PLA2G4D: variants seen among roughly 807,000 people sequenced by gnomAD.
PLA2G4D encodes the protein phospholipase A2 group IVD.
Under a neutral mutation model 94.4 loss-of-function variants are expected in PLA2G4D, and 80 were observed. That is an observed-to-expected ratio of 0.85 (90% CI 0.71 to 1.02). The LOEUF (loss-of-function observed/expected upper bound fraction) is 1.02, where lower values mean the gene tolerates loss of function less well. Ranked by LOEUF, PLA2G4D falls within the 50% of genes least tolerant of loss-of-function variation. The pLI is 0.00. For synonymous variants in PLA2G4D, 438 were observed against 440.9 expected, an observed-to-expected ratio of 0.99 and a Z score of 0.08; for missense variants, 1,050 against 1,034.7, an observed-to-expected ratio of 1.01 and a Z score of -0.20.
intron 8 of PLA2G4D, among the ~76,000 whole-genome samples, chr15:42,082,869 G>C (rs1404544766): frequency 6.6e-6 from 1 of 152,174 alleles, no homozygotes; most frequent in Non-Finnish European, 1.5e-5. Flanking sequence ...CATCGTGCAT[G>C]GGGGGAGTGT....
chr15:42,081,610 C>CAA lies in PLA2G4D; in HGVS notation c.825_826insTT (p.Glu276LeufsTer20), dbSNP rs752469953. On this transcript the variant is annotated frameshift_variant, in exon 11 of 20. Transcript: ENST00000290472. LOFTEE classifies it high-confidence loss of function. ...AAGCCCAGGTGCACGGCCAGCTCCT[C>CAA]AGGGCTGTGGCAATGGAGGATCCAG... The CAA allele has an allele frequency of 6.2e-7, 1 of 1,614,066 alleles. No individual in the cohort carries two copies. The highest frequency in any genetic ancestry group is 8.5e-7 in the Non-Finnish European group (1 of 1,179,944).
chr15:42,070,304 T>G, intron 18 of PLA2G4D: 4 of 551,214 alleles, frequency 7.3e-6, no homozygotes, highest in Non-Finnish European at 1.2e-5. Flanking sequence ...TTAAAAGCTC[T>G]AGGTGGGGTC....
In PLA2G4D at chr15:42,081,479, C is replaced by G. The variant is rs184980702; in HGVS notation, c.957G>C (p.Glu319Asp). The change falls in exon 11 of 20, where the codon GAG becomes GAC. Residue 319 changes from glutamate (E) to aspartate (D), a missense_variant and splice_region_variant. Transcript: ENST00000290472. ...LQLDRDLQEDEVPVVGIMATG... is the reference protein window; with the variant it reads ...LQLDRDLQEDDVPVVGIMATG... ...CACACATCCCTCTGCACCCCCAGAC[C>G]TCATCCTCCTGCAGGTCTCTGTCCA... 1 of 1,613,452 alleles carries G rather than the reference C, an allele frequency of 6.2e-7. No individual in the cohort carries two copies. Among genetic ancestry groups the G allele is most frequent in the African/African-American group, 1.3e-5 (1 of 74,924 alleles).
chr15:42,089,657 A>G (rs1257721344), intron 1 of PLA2G4D, among the ~76,000 whole-genome samples: 1 of 152,068 alleles, frequency 6.6e-6, no homozygotes, highest in African/African-American at 2.4e-5. Context: ...GGCCACAGGG[A>G]GGTGATGGCT....
intron 11 of PLA2G4D, 118 bp from the exon 12 acceptor site, chr15:42,081,251 A>T (rs1890031688): frequency 6.7e-7 from 1 of 1,489,996 alleles, no homozygotes; most frequent in Non-Finnish European, 9.0e-7. Context: ...TTGGGTCCTG[A>T]TAGAGTCAGG....
At chr15:42,087,499 C>T in intron 2 of PLA2G4D, 63 bp from the exon 3 acceptor site, 1 of 1,609,812 alleles carries the variant, frequency 6.2e-7, no homozygotes, top group Non-Finnish European at 8.5e-7. Flanking sequence ...ATGAGCCATG[C>T]CAGTTTCCTA....
intron 1 of PLA2G4D, among the ~76,000 whole-genome samples, chr15:42,093,765 G>A (rs1480011857): frequency 1.3e-5 from 2 of 152,220 alleles, no homozygotes; most frequent in Non-Finnish European, 2.9e-5. Context: ...ATGAGGCAAA[G>A]GACCTCAGGA....
In PLA2G4D at chr15:42,072,333, C is replaced by A; in HGVS notation, c.1377G>T (p.Leu459=). Residue 459 remains leucine, a synonymous_variant, in exon 14 of 20, where the codon CTG becomes CTT. Coordinates refer to ENST00000290472, the MANE Select transcript of PLA2G4D (RefSeq NM_178034.4). ...RAALERGQNP[L]PLYLSLNVKE... Reference sequence around the variant, plus strand: ...TGACATTGAGGCTCAAGTAGAGGGGCAGAGGGTTCTGACCCCGTTCCAGGG... The same window carrying A: ...TGACATTGAGGCTCAAGTAGAGGGGAAGAGGGTTCTGACCCCGTTCCAGGG... The A allele has an allele frequency of 1.2e-6, 2 of 1,613,808 alleles. No homozygotes were observed. Among genetic ancestry groups the A allele is most frequent in the Non-Finnish European group, 1.7e-6 (2 of 1,179,990 alleles).
chr15:42,088,708 A>C (rs1890198173), intron 1 of PLA2G4D, among the ~76,000 whole-genome samples: 4 of 152,216 alleles, frequency 2.6e-5, no homozygotes, highest in Non-Finnish European at 4.4e-5. Context: ...CTTGGAAGGG[A>C]GCCTTCCCAG....
chr15:42,079,429 C>T, intron 13 of PLA2G4D, 108 bp downstream of exon 13: 1 of 1,089,488 alleles, frequency 9.2e-7, no homozygotes, highest in East Asian at 2.8e-5. Context: ...AAAACACTGG[C>T]TCTTCCACGC....
intron 12 of PLA2G4D, 93 bp from the exon 13 acceptor site, chr15:42,079,852 G>T (rs1181453839): frequency 7.9e-7 from 1 of 1,259,848 alleles, no homozygotes; most frequent in East Asian, 2.6e-5. Context: ...CTCCTGACAC[G>T]TGGCTCCTGC....
Position 42,085,372 on chromosome 15 carries a change from G to A in PLA2G4D, c.428+119C>T, listed in dbSNP as rs556376280. 4.3e-4 allele frequency: 528 copies of A among 1,238,468 alleles called. 1 individual carries two copies. The highest frequency in any genetic ancestry group is 5.7e-4 in the Non-Finnish European group (480 of 840,996). 76.7% of individuals were successfully genotyped at this position (1,238,468 alleles called of 1,614,324 possible). ...GCCCCGCCCCACTCCCGACCTCTCT[G>A]GCAGGGGTAGGAGATGAGGGACAGT... On this transcript the variant is annotated intron_variant, in intron 5 of 19. Coordinates refer to ENST00000290472, the MANE Select transcript of PLA2G4D (RefSeq NM_178034.4).
rs545713348 is a variant in PLA2G4D at position 42,079,018 on chromosome 15, T to G, written c.1317+519A>C. On this transcript the variant is annotated intron_variant, in intron 13 of 19. Coordinates refer to ENST00000290472, the MANE Select transcript of PLA2G4D (RefSeq NM_178034.4). ...CTGACATTTAATGCTTATTCTATGG[T>G]GAGGTATCACTGAGTATTCAGAACA... Among the ~76,000 whole-genome samples the G allele has an allele frequency of 8.5e-5, 13 of 152,326 alleles. No individual in the cohort carries two copies. In the East Asian group the frequency reaches 2.5e-3, roughly 29 times the overall value.
Position 42,070,062 on chromosome 15 carries a change from G to C in PLA2G4D, c.2077C>G (p.Arg693Gly), listed in dbSNP as rs368349245. Residue 693 changes from arginine (R) to glycine (G), a missense_variant, in exon 19 of 20, where the codon CGG (arginine) becomes GGG (glycine). Physicochemically the swap from Arg to Gly is moderately radical, Grantham distance 125. Transcript: ENST00000290472. ...TCCACCCGGGGGAAGGGCAGCCCCC[G>C]GGCCCGGCAGTACAGCTCCGTCTGC... ...LQQTELYCRA[R>G]GLPFPRVEPS... 208 of 1,522,410 alleles carry C rather than the reference G, an allele frequency of 1.4e-4. No individual in the cohort carries two copies. The highest frequency in any genetic ancestry group is 2.1e-4 in the Admixed American group (10 of 47,138). The allele number at this position is 1,522,410 out of a possible 1,614,324, so 94.3% of individuals were successfully genotyped here.
chr15:42,071,991 C>T, intron 14 of PLA2G4D, 80 bp from the exon 15 acceptor site: 1 of 1,529,748 alleles, frequency 6.5e-7, no homozygotes, highest in Non-Finnish European at 8.9e-7. Context: ...AGACACTGCC[C>T]CTGCCCCCAG....
chr15:42,073,750 C>T (rs1889870335), intron 13 of PLA2G4D, among the ~76,000 whole-genome samples: 2 of 152,202 alleles, frequency 1.3e-5, no homozygotes, highest in African/African-American at 4.8e-5. Flanking sequence ...TTTAAAAACC[C>T]TCAGATGATC....
intron 12 of PLA2G4D, among the ~76,000 whole-genome samples, chr15:42,080,386 C>T: frequency 6.6e-6 from 1 of 152,162 alleles, no homozygotes; most frequent in African/African-American, 2.4e-5. Context: ...TCTCTAACAG[C>T]GGGATGCTGC....
chr15:42,094,360 C>A, intron 1 of PLA2G4D, 55 bp downstream of exon 1: 2 of 1,601,472 alleles, frequency 1.2e-6, no homozygotes, highest in South Asian at 1.1e-5. Context: ...CCAGAATGCA[C>A]CCTGGCTCCA....
chr15:42,079,802 G>A, intron 12 of PLA2G4D, 43 bp from the exon 13 acceptor site: 1 of 1,562,926 alleles, frequency 6.4e-7, no homozygotes, highest in East Asian at 2.3e-5. Context: ...CCGAGGCCCA[G>A]CATGGGGCGC....
Sources: allele counts gnomAD v4.1 joint callset (sites outside exome capture counted in the v4.1 genomes callset), GRCh38; gene constraint gnomAD v4.1.1; transcripts MANE v1.5; gene names NCBI Gene and HGNC (gene_info 2026-07-23, HGNC 2026-07-21).